Variants in UBTD2 observed in about 807,000 individuals in gnomAD.
UBTD2 encodes the protein ubiquitin domain-containing protein 2.
A neutral mutation model predicts 19.8 loss-of-function variants in UBTD2; 9 were observed. The observed-to-expected ratio is 0.46, with a 90% CI of 0.27 to 0.79. The LOEUF (loss-of-function observed/expected upper bound fraction) is 0.79. Ranked by LOEUF, UBTD2 falls within the 30% of genes least tolerant of loss-of-function variation. The pLI is 0.14. For missense variants in UBTD2, 250 were observed against 300.4 expected (o/e 0.83, Z 1.24); for synonymous variants, 98 against 103.9 (o/e 0.94, Z 0.35).
chr5:172,215,992 C>T (rs376666556), intron 2 of UBTD2, among the ~76,000 whole-genome samples: 12 of 151,952 alleles, frequency 7.9e-5, no homozygotes, highest in African/African-American at 2.2e-4. Context: ...GGCGAAACCC[C>T]GTCTCTACTA....
chr5:172,273,590 CAAAAAAAAAAAAAA>C (rs35687001), intron 1 of UBTD2, among the ~76,000 whole-genome samples: 19 of 36,422 alleles, frequency 5.2e-4, no homozygotes, highest in Admixed American at 1.1e-3. Flanking sequence ...GACTCCGTCT[CAAAAAAAAAAAAAA>C]AAAAAAAAAA....
chr5:172,245,366 C>T (rs1754857716), intron 1 of UBTD2, among the ~76,000 whole-genome samples: 1 of 152,146 alleles, frequency 6.6e-6, no homozygotes, highest in Admixed American at 6.5e-5. Flanking sequence ...CCCTAAAATT[C>T]TGTGTTTGAA....
chr5:172,214,825 T>C (rs1045163758), intron 2 of UBTD2, among the ~76,000 whole-genome samples: 2 of 152,204 alleles, frequency 1.3e-5, no homozygotes, highest in African/African-American at 4.8e-5. Context: ...AGTTTTACAT[T>C]AAACTAAAAA....
At chr5:172,250,775 AAT>A (rs1754985929) in intron 1 of UBTD2, among the ~76,000 whole-genome samples, 1 of 151,826 alleles carries the variant, frequency 6.6e-6, no homozygotes. Flanking sequence ...TCTACAAAAA[AAT>A]AAAAAATTAG....
intron 1 of UBTD2, among the ~76,000 whole-genome samples, chr5:172,269,189 T>C (rs1310902980): frequency 6.6e-6 from 1 of 152,010 alleles, no homozygotes; most frequent in Non-Finnish European, 1.5e-5. Context: ...TGTTTGAAAA[T>C]TGTCATTTAA....
intron 1 of UBTD2, among the ~76,000 whole-genome samples, chr5:172,275,655 T>C (rs1755592667): frequency 6.6e-6 from 1 of 152,164 alleles, no homozygotes; most frequent in Non-Finnish European, 1.5e-5. Context: ...GTCACTCACT[T>C]TTACACCTTC....
chr5:172,249,948 G>A (rs1399644339), intron 1 of UBTD2, among the ~76,000 whole-genome samples: 1 of 152,162 alleles, frequency 6.6e-6, no homozygotes, highest in African/African-American at 2.4e-5. Context: ...CATACTCAAT[G>A]AAGAGACACT....
At chr5:172,239,832 A>C (rs1387001892) in intron 1 of UBTD2, among the ~76,000 whole-genome samples, 2 of 151,508 alleles carry the variant, frequency 1.3e-5, no homozygotes, top group African/African-American at 2.4e-5. Context: ...TGAACCTGGG[A>C]GGCAGAGATT....
rs951797669 is a variant in UBTD2, at chr5:172,255,411, C to T, written c.71-21053G>A. The T allele has an allele frequency of 6.1e-6, 3 of 493,880 alleles. No homozygotes were observed. The Admixed American group carries it at 6.7e-5, about 11-fold the overall frequency. The allele number at this position is 493,880 out of a possible 1,614,324, so 30.6% of individuals were successfully genotyped here. A position where few individuals can be genotyped will look rare whatever the true frequency, so the allele number is the denominator to read the frequency against. On this transcript the variant is annotated intron_variant, in intron 1 of 2. Coordinates refer to ENST00000393792, the MANE Select transcript of UBTD2 (RefSeq NM_152277.3). ...CAGGGTCCACGGGCCTCTTGCTTAA[C>T]AGGAACTGGGTCAAACATGAGCATT...
chr5:172,222,246 T>G (rs1771665896), intron 2 of UBTD2, among the ~76,000 whole-genome samples: 1 of 152,186 alleles, frequency 6.6e-6, no homozygotes, highest in East Asian at 1.9e-4. Flanking sequence ...ATAATCCCAA[T>G]CCTCCACTAT....
At chr5:172,247,946 T>C (rs1235905466) in intron 1 of UBTD2, among the ~76,000 whole-genome samples, 1 of 152,118 alleles carries the variant, frequency 6.6e-6, no homozygotes, top group East Asian at 1.9e-4. Context: ...CAAGTCTCAA[T>C]AAACTTTAAA....
chr5:172,283,757 C>A lies in UBTD2; in HGVS notation c.-92G>T. ...AGCCTCCTCCGGCGCCACCGCCGAG[C>A]TCCGGACAGGCGCGCCGCTCCGCTC... On this transcript the variant is annotated 5_prime_UTR_variant, in exon 1 of 3. Transcript: ENST00000393792. The surrounding 1 kb of genome is among the most constrained non-coding windows in gnomAD (Gnocchi z 4.3). 1.1e-6 allele frequency: 1 copy of A among 938,348 alleles called. No homozygotes were observed. 58.1% of individuals were successfully genotyped at this position (938,348 alleles called of 1,614,324 possible).
At chr5:172,218,798 TAAAAAAA>T (rs58608463) in intron 2 of UBTD2, among the ~76,000 whole-genome samples, 1 of 121,468 alleles carries the variant, frequency 8.2e-6, no homozygotes, top group African/African-American at 3.0e-5. Flanking sequence ...AATAAAAAAA[TAAAAAAA>T]AAAATAAAAA....
chr5:172,262,446 C>CAAAA (rs1191776236), intron 1 of UBTD2, among the ~76,000 whole-genome samples: 50 of 48,560 alleles, frequency 1.0e-3, no homozygotes, highest in African/African-American at 1.5e-3. Context: ...ACAGATCCAC[C>CAAAA]AAAAAAAAAA....
chr5:172,260,712 G>A (rs905404499), intron 1 of UBTD2, among the ~76,000 whole-genome samples: 4 of 152,136 alleles, frequency 2.6e-5, no homozygotes, highest in African/African-American at 9.7e-5. Context: ...TACAGGTTAA[G>A]TGTCTCACTC....
chr5:172,260,282 C>T (rs774097942), intron 1 of UBTD2, among the ~76,000 whole-genome samples: 1 of 151,842 alleles, frequency 6.6e-6, no homozygotes, highest in Non-Finnish European at 1.5e-5. Context: ...ATTTTCCTTA[C>T]TCTCTCTTAA....
chr5:172,211,759 A>C lies in UBTD2; in HGVS notation c.*71T>G, dbSNP rs1487421986. 6.1e-6 allele frequency: 9 copies of C among 1,467,832 alleles called. No homozygotes were observed. Among genetic ancestry groups the C allele is most frequent in the South Asian group, 1.5e-5 (1 of 67,368 alleles). 90.9% of individuals were successfully genotyped at this position (1,467,832 alleles called of 1,614,324 possible). ...AGCAGTGAAATAGATTTCACGCCGC[A>C]GAGTAGGAAATGACAACAAGAACCA... On this transcript the variant is annotated 3_prime_UTR_variant, in exon 3 of 3. Transcript: ENST00000393792.
At chr5:172,257,520 C>T (rs919403487) in intron 1 of UBTD2, among the ~76,000 whole-genome samples, 2 of 152,164 alleles carry the variant, frequency 1.3e-5, no homozygotes, top group Non-Finnish European at 2.9e-5. Flanking sequence ...ATTCCTGGGT[C>T]GAATGGTAGT....
chr5:172,242,525 T>A, intron 1 of UBTD2: 1 of 675,408 alleles, frequency 1.5e-6, no homozygotes, highest in Non-Finnish European at 1.8e-6. Flanking sequence ...CCCTTTGTAT[T>A]AACCTATAAA....
Sources: gnomAD v4.1 joint callset for allele counts (sites outside exome capture counted in the v4.1 genomes callset) on GRCh38, gnomAD v4.1.1 for gene constraint, Gnocchi (gnomAD v3.1) non-coding constraint, MANE v1.5 for transcripts, NCBI Gene and HGNC (gene_info 2026-07-23, HGNC 2026-07-21) for gene names.